The following LTBP1 variants were observed in gnomAD, a reference collection of about 807,000 sequenced individuals.
LTBP1 encodes the protein latent transforming growth factor beta binding protein 1, also known as latent-transforming growth factor beta-binding protein 1.
A neutral mutation model predicts 207.6 loss-of-function variants in LTBP1; 129 were observed. The observed-to-expected ratio is 0.62, with a 90% CI of 0.54 to 0.72. LTBP1 has a LOEUF of 0.72. Among genes scored for constraint, LTBP1 ranks in the 30% least tolerant of loss-of-function variants. The pLI, the probability that LTBP1 is intolerant of heterozygous loss-of-function variation, is 0.00. For missense variants in LTBP1, 2,281 were observed against 2,217.2 expected, an observed-to-expected ratio of 1.03 and a Z score of -0.58; for synonymous variants, 963 against 833.7, an observed-to-expected ratio of 1.16 and a Z score of -2.67.
rs148017581 is a variant in LTBP1, at chr2:33,104,417, C to T, written c.864-6165C>T. 9.1e-4 allele frequency among the ~76,000 whole-genome samples: 138 copies of T among 152,312 alleles called. 1 individual carries two copies. Among genetic ancestry groups the T allele is most frequent in the African/African-American group, 2.7e-3 (114 of 41,570 alleles). On this transcript the variant is annotated intron_variant, in intron 3 of 33. Transcript: ENST00000404816. ...ATATTTTGGCTCCTACCATTCCTAA[C>T]ACCACGCTATTGATTTCTCTGGCCC...
At chr2:33,155,467 GC>G (rs749987023) in intron 5 of LTBP1, among the ~76,000 whole-genome samples, 24 of 152,320 alleles carry the variant, frequency 1.6e-4, no homozygotes, top group Non-Finnish European at 2.9e-4. Flanking sequence ...CTTTTCATGT[GC>G]CTAAAACAGA....
chr2:33,217,196 C>G (rs906967485), intron 7 of LTBP1, among the ~76,000 whole-genome samples: 3 of 152,138 alleles, frequency 2.0e-5, no homozygotes, highest in African/African-American at 7.2e-5. Context: ...GAGATTTAAA[C>G]AGACAGATAC....
In LTBP1 at chr2:33,243,799, C is replaced by CT. The variant is rs748729691; in HGVS notation, c.1999+20dup. 2 of 1,613,324 alleles carry CT rather than the reference C, an allele frequency of 1.2e-6. No homozygotes were observed. Among genetic ancestry groups the CT allele is most frequent in the South Asian group, 2.2e-5 (2 of 90,888 alleles). ...AAGTTGTGTTCGTAAGTAATAATCA[C>CT]TTTTTATTCCTGTTTTGGATTAATT... On this transcript the variant is annotated intron_variant, in intron 10 of 33. Transcript: ENST00000404816.
intron 31 of LTBP1, among the ~76,000 whole-genome samples, chr2:33,381,776 G>C (rs1161465647): frequency 1.3e-5 from 2 of 152,072 alleles, no homozygotes; most frequent in Non-Finnish European, 2.9e-5. Context: ...TTTTTCCCAG[G>C]GTTTCAAAAG....
chr2:33,380,195 G>A (rs551990147), intron 31 of LTBP1, among the ~76,000 whole-genome samples: 7 of 152,194 alleles, frequency 4.6e-5, no homozygotes, highest in Admixed American at 2.0e-4. Context: ...AGGTAACAGC[G>A]TCATCTAGTG....
At position 33,187,013 on chromosome 2, in the gene LTBP1, G is replaced by A. The variant is rs777279636; in HGVS notation, c.1359G>A (p.Leu453=). 23 of 1,614,030 alleles carry A rather than the reference G, an allele frequency of 1.4e-5. No individual in the cohort carries two copies. Among genetic ancestry groups the A allele is most frequent in the Non-Finnish European group, 7.6e-6 (9 of 1,180,022 alleles). The change falls in exon 6 of 34, where the codon TTG becomes TTA. Residue 453 remains leucine, a synonymous_variant. Coordinates refer to ENST00000404816, the MANE Select transcript of LTBP1 (RefSeq NM_206943.4). The part of the protein sequence containing the change: ...YQHSQQPGKA[L]GTHVIHSTHT... ...ATTCCCAGCAGCCAGGCAAGGCGTT[G>A]GGGACGCATGTCATCCATTCAACAC...
At chr2:33,037,332 T>A (rs1327678775) in intron 3 of LTBP1, among the ~76,000 whole-genome samples, 1 of 152,246 alleles carries the variant, frequency 6.6e-6, no homozygotes, top group African/African-American at 2.4e-5. Context: ...GTAGTAAGTC[T>A]TGGAAGGTGT....
At position 33,020,832 on chromosome 2, in the gene LTBP1, A is replaced by G. The variant is rs944875941; in HGVS notation, c.566-77A>G. 27 of 1,360,396 alleles carry G rather than the reference A, an allele frequency of 2.0e-5. No homozygotes were observed. In the East Asian group the frequency reaches 6.3e-4, roughly 32 times the overall value. 84.3% of individuals were successfully genotyped at this position (1,360,396 alleles called of 1,614,324 possible). A position where few individuals can be genotyped will look rare whatever the true frequency, so the allele number is the denominator to read the frequency against. Reference sequence around the variant, plus strand: ...ATTGGAGAACAAACAACCTGATGCTACTGTTAACCCTTTGGAAAAATTAGG... The same window carrying G: ...ATTGGAGAACAAACAACCTGATGCTGCTGTTAACCCTTTGGAAAAATTAGG... On this transcript the variant is annotated intron_variant, in intron 2 of 33. Transcript: ENST00000404816.
intron 3 of LTBP1, among the ~76,000 whole-genome samples, chr2:33,064,839 T>C (rs1400253155): frequency 6.6e-6 from 1 of 152,190 alleles, no homozygotes; most frequent in Non-Finnish European, 1.5e-5. Context: ...ATTTTCTTCT[T>C]AGTCATGTCA....
intron 3 of LTBP1, among the ~76,000 whole-genome samples, chr2:33,045,008 A>G (rs2076379401): frequency 6.6e-6 from 1 of 151,590 alleles, no homozygotes; most frequent in Non-Finnish European, 1.5e-5. Context: ...TAAATTCTGG[A>G]TATTAGCCCT....
intron 15 of LTBP1, among the ~76,000 whole-genome samples, chr2:33,265,751 C>T (rs1282184624): frequency 6.6e-6 from 1 of 151,368 alleles, no homozygotes; most frequent in Non-Finnish European, 1.5e-5. Flanking sequence ...TTTTTATTTT[C>T]CATATTTTCT....
chr2:32,959,706 C>T (rs1284291476), intron 2 of LTBP1, among the ~76,000 whole-genome samples: 10 of 147,320 alleles, frequency 6.8e-5, no homozygotes, highest in South Asian at 4.3e-4. Context: ...CGGCAGCCTC[C>T]GCCTCTTGGG....
intron 7 of LTBP1, among the ~76,000 whole-genome samples, chr2:33,215,575 G>A (rs969383207): frequency 1.2e-4 from 19 of 152,056 alleles, no homozygotes; most frequent in Non-Finnish European, 1.9e-4. Context: ...GAAAAGAAAC[G>A]CTGCCCCTGG....
chr2:33,368,413 A>T (rs2095026434), intron 31 of LTBP1, among the ~76,000 whole-genome samples: 1 of 152,242 alleles, frequency 6.6e-6, no homozygotes, highest in Non-Finnish European at 1.5e-5. Context: ...GTAGTGCTAC[A>T]GTAAACACAC....
intron 2 of LTBP1, among the ~76,000 whole-genome samples, chr2:32,987,604 T>C (rs750797864): frequency 2.0e-5 from 3 of 152,210 alleles, no homozygotes; most frequent in Non-Finnish European, 4.4e-5. Flanking sequence ...GTCATCTGTA[T>C]GTGAGAATCT....
intron 7 of LTBP1, among the ~76,000 whole-genome samples, chr2:33,206,894 A>G (rs1029301202): frequency 1.3e-5 from 2 of 152,136 alleles, no homozygotes; most frequent in Non-Finnish European, 2.9e-5. Context: ...ATTCCTAGTA[A>G]TTAAACTTAA....
chr2:33,391,512 C>T (rs2095314334), intron 32 of LTBP1, among the ~76,000 whole-genome samples: 2 of 152,084 alleles, frequency 1.3e-5, no homozygotes, highest in Admixed American at 1.3e-4. Context: ...TCAGGAATAC[C>T]AGGTTAAGTC....
chr2:33,176,468 G>C (rs899021671), intron 5 of LTBP1, among the ~76,000 whole-genome samples: 2 of 152,100 alleles, frequency 1.3e-5, no homozygotes, highest in Admixed American at 1.3e-4. Context: ...TTCGTCATCT[G>C]CCTGCCTCAG....
chr2:33,231,288 A>G (rs768819932), intron 9 of LTBP1, among the ~76,000 whole-genome samples: 1 of 152,254 alleles, frequency 6.6e-6, no homozygotes, highest in Non-Finnish European at 1.5e-5. Flanking sequence ...GCTTTAATAA[A>G]ATAAATTTAT....
Sources: gnomAD v4.1 joint callset for allele counts (sites outside exome capture counted in the v4.1 genomes callset) on GRCh38, gnomAD v4.1.1 for gene constraint, MANE v1.5 for transcripts, NCBI Gene and HGNC (gene_info 2026-07-23, HGNC 2026-07-21) for gene names.